BABAM2: variants seen among roughly 807,000 people sequenced by gnomAD.
The protein encoded by BABAM2 is BRISC and BRCA1 A complex member 2.
Under a neutral mutation model 54.7 loss-of-function variants are expected in BABAM2, and 31 were observed. The observed-to-expected ratio is 0.57, with a 90% confidence interval of 0.43 to 0.77. The LOEUF (loss-of-function observed/expected upper bound fraction) is 0.77, where lower values mean the gene tolerates loss of function less well. Among genes scored for constraint, BABAM2 ranks in the 30% least tolerant of loss-of-function variants. BABAM2 has a pLI of 0.00. For missense variants in BABAM2, 364 were observed against 455.8 expected (o/e 0.80, Z 1.83); for synonymous variants, 167 against 162.9 (o/e 1.03, Z -0.19).
chr2:27,898,984 C>G (rs1193920824), intron 2 of BABAM2, among the ~76,000 whole-genome samples: 5 of 151,596 alleles, frequency 3.3e-5, no homozygotes, highest in Admixed American at 6.6e-5. Flanking sequence ...ACAACCTGAG[C>G]TGGGCACAGT....
At chr2:28,060,806 A>T (rs898953288) in intron 6 of BABAM2, among the ~76,000 whole-genome samples, 6 of 152,240 alleles carry the variant, frequency 3.9e-5, no homozygotes, top group African/African-American at 1.4e-4. Flanking sequence ...TGAAAACTAC[A>T]AAACATTGCT....
chr2:28,007,034 TC>T (rs1465912389), intron 4 of BABAM2, among the ~76,000 whole-genome samples: 1 of 152,008 alleles, frequency 6.6e-6, no homozygotes, highest in Non-Finnish European at 1.5e-5. Flanking sequence ...CATAATTTGA[TC>T]TTTTTTTTTG....
chr2:28,252,263 GTTCTC>G (rs1206193821), intron 10 of BABAM2, among the ~76,000 whole-genome samples: 15 of 151,284 alleles, frequency 9.9e-5, no homozygotes, highest in East Asian at 3.9e-4. Context: ...AAACCAGTCA[GTTCTC>G]TAATATTGTT....
chr2:28,138,018 G>T (rs566467340), intron 7 of BABAM2, among the ~76,000 whole-genome samples: 1 of 152,214 alleles, frequency 6.6e-6, no homozygotes, highest in Admixed American at 6.5e-5. Flanking sequence ...GTGAAGATGA[G>T]AAATTCATGA....
At chr2:28,069,199 C>T (rs1407460869) in intron 6 of BABAM2, among the ~76,000 whole-genome samples, 1 of 152,156 alleles carries the variant, frequency 6.6e-6, no homozygotes, top group South Asian at 2.1e-4. Context: ...TTTTCAACAA[C>T]TGCTTAAAAT....
chr2:28,050,007 A>T (rs527718129), intron 6 of BABAM2, among the ~76,000 whole-genome samples: 1 of 152,302 alleles, frequency 6.6e-6, no homozygotes, highest in East Asian at 1.9e-4. Flanking sequence ...AAAAGGAGTG[A>T]ATCTGACTTG....
chr2:27,938,604 C>A (rs564743420), intron 3 of BABAM2, among the ~76,000 whole-genome samples: 74 of 151,940 alleles, frequency 4.9e-4, no homozygotes, highest in Admixed American at 3.9e-3. Context: ...ATTGGCCAGG[C>A]TGGTCTCGAA....
intron 2 of BABAM2, among the ~76,000 whole-genome samples, chr2:27,899,489 T>A (rs563728142): frequency 6.6e-6 from 1 of 152,224 alleles, no homozygotes; most frequent in African/African-American, 2.4e-5. Context: ...TTTTTTTTTT[T>A]TCGTGACAGA....
intron 11 of BABAM2, among the ~76,000 whole-genome samples, chr2:28,332,217 G>T (rs555635408): frequency 1.3e-5 from 2 of 152,276 alleles, no homozygotes; most frequent in South Asian, 4.2e-4. Context: ...CGTAGGCGCT[G>T]GGTTGAGAGG....
intron 11 of BABAM2, 100 bp downstream of exon 11, chr2:28,298,591 C>A: frequency 2.2e-6 from 3 of 1,393,384 alleles, no homozygotes; most frequent in Non-Finnish European, 9.8e-7. Context: ...CTGCCCTGTG[C>A]ATGTTTTTGT....
chr2:28,250,339 T>TAGC lies in BABAM2; in HGVS notation c.934+5478_934+5480dup, dbSNP rs1553349939. Reference sequence around the variant, plus strand: ...TGAACTTTTTTTTTTTTTTTTTTTTTAGCTATCTAATATTGAATTACTTTC... The same window carrying TAGC: ...TGAACTTTTTTTTTTTTTTTTTTTTTAGCAGCTATCTAATATTGAATTACTTTC... On this transcript the variant is annotated intron_variant, in intron 10 of 11. Transcript: ENST00000379624. Among the ~76,000 whole-genome samples the TAGC allele has an allele frequency of 6.4e-3, 957 of 149,680 alleles. 12 individuals are homozygous for TAGC. The highest frequency in any genetic ancestry group is 0.043 in the South Asian group (203 of 4,726).
intron 10 of BABAM2, among the ~76,000 whole-genome samples, chr2:28,254,418 T>C (rs1196828518): frequency 6.6e-6 from 1 of 152,144 alleles, no homozygotes; most frequent in Non-Finnish European, 1.5e-5. Context: ...ATTACAGGCA[T>C]GAGCCGCCAC....
chr2:27,962,890 A>G (rs1670572093), intron 3 of BABAM2, among the ~76,000 whole-genome samples: 1 of 152,226 alleles, frequency 6.6e-6, no homozygotes, highest in African/African-American at 2.4e-5. Flanking sequence ...ATTAAAAAGA[A>G]TATTATCCAC....
intron 2 of BABAM2, among the ~76,000 whole-genome samples, chr2:27,917,819 TAAC>T (rs1667094503): frequency 6.6e-6 from 1 of 152,058 alleles, no homozygotes; most frequent in South Asian, 2.1e-4. Context: ...AAGATAAAAT[TAAC>T]AACACTGTAA....
chr2:28,139,244 C>T (rs7583926), intron 7 of BABAM2, among the ~76,000 whole-genome samples: 34,459 of 142,136 alleles, frequency 0.24, 4,735 homozygotes, highest in Middle Eastern at 0.36. Flanking sequence ...ATCGCTTGAA[C>T]GGAGAGGTGG....
chr2:27,946,616 C>T (rs1163671187), intron 3 of BABAM2, among the ~76,000 whole-genome samples: 2 of 150,930 alleles, frequency 1.3e-5, no homozygotes, highest in Non-Finnish European at 2.9e-5. Context: ...GCCATCTGGA[C>T]CTGGAGCGAG....
At chr2:27,894,845 C>T in intron 2 of BABAM2, 161 bp downstream of exon 2, 1 of 715,458 alleles carries the variant, frequency 1.4e-6, no homozygotes, top group Non-Finnish European at 2.2e-6. Flanking sequence ...CAGTTCTTGA[C>T]ATTTTATGTT....
intron 5 of BABAM2, among the ~76,000 whole-genome samples, chr2:28,040,531 A>T (rs961259318): frequency 1.3e-5 from 2 of 151,420 alleles, no homozygotes; most frequent in South Asian, 2.1e-4. Context: ...CGATCTCCTG[A>T]CCTCGTGATC....
chr2:28,243,099 T>A (rs986568003), intron 9 of BABAM2, among the ~76,000 whole-genome samples: 9 of 152,212 alleles, frequency 5.9e-5, no homozygotes, highest in African/African-American at 2.2e-4. Flanking sequence ...CTCACTTTTT[T>A]AATGTACTTT....
Sources: gnomAD v4.1 joint callset for allele counts (sites outside exome capture counted in the v4.1 genomes callset) on GRCh38, gnomAD v4.1.1 for gene constraint, MANE v1.5 for transcripts, NCBI Gene and HGNC (gene_info 2026-07-23, HGNC 2026-07-21) for gene names.